GOSR1: variants seen among roughly 807,000 people sequenced by gnomAD.
GOSR1 encodes 28 kDa Golgi SNARE protein.
In GOSR1, 21 loss-of-function variants were observed where a neutral mutation model predicts 35.5. The observed-to-expected ratio is 0.59, with a 90% CI of 0.42 to 0.85. GOSR1 has a LOEUF of 0.85. GOSR1 is among the 40% of genes least tolerant of loss of function. The pLI, the probability that GOSR1 is intolerant of heterozygous loss-of-function variation, is 0.00. For synonymous variants in GOSR1, 94 were observed against 106.6 expected, an observed-to-expected ratio of 0.88 and a Z score of 0.73; for missense variants, 285 against 309.6, an observed-to-expected ratio of 0.92 and a Z score of 0.60.
chr17:30,504,517 G>A (rs976513216), intron 6 of GOSR1, among the ~76,000 whole-genome samples: 1 of 152,156 alleles, frequency 6.6e-6, no homozygotes, highest in African/African-American at 2.4e-5. Flanking sequence ...CAAAAAGTGG[G>A]AAATAAGTGG....
At chr17:30,487,844 C>G (rs1013122453) in intron 4 of GOSR1, among the ~76,000 whole-genome samples, 1 of 151,948 alleles carries the variant, frequency 6.6e-6, no homozygotes, top group Non-Finnish European at 1.5e-5. Flanking sequence ...GGTGCGATCT[C>G]GGCTCACTGC....
chr17:30,489,298 G>A (rs890117470), intron 4 of GOSR1, among the ~76,000 whole-genome samples: 4 of 152,184 alleles, frequency 2.6e-5, no homozygotes, highest in South Asian at 2.1e-4. Context: ...CACTAGAATC[G>A]CTTGAACCCA....
intron 6 of GOSR1, among the ~76,000 whole-genome samples, chr17:30,508,174 TGTGA>T (rs1203526637): frequency 6.6e-6 from 1 of 152,256 alleles, no homozygotes; most frequent in African/African-American, 2.4e-5. Flanking sequence ...GTAAGCTCTC[TGTGA>T]GTATTAGCTA....
chr17:30,478,435 C>G (rs1284925763), intron 1 of GOSR1: 1 of 152,154 alleles, frequency 6.6e-6, no homozygotes, highest in Non-Finnish European at 1.5e-5. Context: ...ATCATACTTT[C>G]AAAATGCTTT....
At chr17:30,519,267 G>A (rs953481565) in intron 7 of GOSR1, among the ~76,000 whole-genome samples, 1 of 152,024 alleles carries the variant, frequency 6.6e-6, no homozygotes, top group African/African-American at 2.4e-5. Flanking sequence ...TGCCCAGGAT[G>A]GTCTTGAACT....
intron 2 of GOSR1, 52 bp from the exon 3 acceptor site, chr17:30,484,160 GTT>G: frequency 1.1e-6 from 1 of 885,134 alleles, no homozygotes; most frequent in East Asian, 2.4e-5. Context: ...TTTTAAGTAT[GTT>G]TTAAAGGACT....
intron 6 of GOSR1, among the ~76,000 whole-genome samples, chr17:30,508,718 AACTAATAGCAAAAAATACTTGAC>A (rs948434224): frequency 6.6e-5 from 10 of 152,202 alleles, no homozygotes; most frequent in African/African-American, 1.2e-4. Context: ...GTTATTGAGA[AACTAATAGCAAAAAATACTTGAC>A]ACTTACTGTG....
chr17:30,478,038 C>A, intron 1 of GOSR1: 1 of 499,046 alleles, frequency 2.0e-6, no homozygotes, highest in Non-Finnish European at 2.6e-6. Context: ...GAGAAAATAA[C>A]TTACCCTTCT....
intron 6 of GOSR1, among the ~76,000 whole-genome samples, chr17:30,503,352 T>C (rs1352723714): frequency 1.3e-5 from 2 of 152,226 alleles, no homozygotes; most frequent in African/African-American, 4.8e-5. Flanking sequence ...TGATGAAATG[T>C]AGCTTATTGT....
intron 8 of GOSR1, among the ~76,000 whole-genome samples, chr17:30,521,355 G>C (rs1045207704): frequency 2.0e-5 from 3 of 151,098 alleles, no homozygotes; most frequent in Non-Finnish European, 4.4e-5. Flanking sequence ...GCTAATTTTT[G>C]TATGTTTTGT....
At position 30,503,895 on chromosome 17, in the gene GOSR1, C is replaced by T. The variant is rs1363564035; in HGVS notation, c.510-6985C>T. Reference sequence around the variant, plus strand: ...CATGTATATTTTGAAATATGCTTTACAGGATATTTTAGGACTTAATAAAAG... The same window carrying T: ...CATGTATATTTTGAAATATGCTTTATAGGATATTTTAGGACTTAATAAAAG... On this transcript the variant is annotated intron_variant, in intron 6 of 8. Transcript: ENST00000451249. 3.3e-5 allele frequency among the ~76,000 whole-genome samples: 5 copies of T among 152,008 alleles called. No homozygotes were observed. The East Asian group carries it at 9.6e-4, about 29-fold the overall frequency.
intron 1 of GOSR1, 29 bp downstream of exon 1, chr17:30,477,493 C>T: frequency 6.2e-7 from 1 of 1,603,848 alleles, no homozygotes; most frequent in Non-Finnish European, 8.5e-7. Context: ...CCGGGTGCGT[C>T]CTACGAGGGT....
chr17:30,480,364 A>G (rs1914255437), intron 1 of GOSR1, among the ~76,000 whole-genome samples: 2 of 152,220 alleles, frequency 1.3e-5, no homozygotes, highest in African/African-American at 4.8e-5. Flanking sequence ...AAAGAAGTTC[A>G]TAAGCCTAAT....
intron 8 of GOSR1, among the ~76,000 whole-genome samples, chr17:30,521,671 C>T (rs369326699): frequency 6.6e-6 from 1 of 151,840 alleles, no homozygotes; most frequent in African/African-American, 2.4e-5. Flanking sequence ...CCTTCTGCTG[C>T]GAAGTAACTT....
At chr17:30,514,717 T>G (rs539180436) in intron 7 of GOSR1, among the ~76,000 whole-genome samples, 13 of 152,332 alleles carry the variant, frequency 8.5e-5, no homozygotes, top group Admixed American at 4.6e-4. Flanking sequence ...TGTTGTTTCA[T>G]GCAAAAAAAT....
At chr17:30,499,415 C>A (rs1045689593) in intron 6 of GOSR1, among the ~76,000 whole-genome samples, 4 of 149,028 alleles carry the variant, frequency 2.7e-5, no homozygotes, top group Admixed American at 6.7e-5. Flanking sequence ...AATCTTGGCT[C>A]ACTGCAACCT....
rs216463 is a variant in GOSR1 at position 30,526,512 on chromosome 17, A to C, written c.*4134A>C. ...AAAATTAAAAGATACCTGAGAGCTC[A>C]CTTTAATATCAAGGTATTTGCATCC... On this transcript the variant is annotated 3_prime_UTR_variant, in exon 9 of 9. Coordinates refer to ENST00000451249, the MANE Select transcript of GOSR1 (RefSeq NM_001007025.2). 66,374 of 152,300 alleles carry C rather than the reference A, an allele frequency of 0.44. 15,246 individuals are homozygous for C. Among genetic ancestry groups the C allele is most frequent in the East Asian group, 0.83 (4,287 of 5,152 alleles). 9.4% of individuals were successfully genotyped at this position (152,300 alleles called of 1,614,324 possible). A position where few individuals can be genotyped will look rare whatever the true frequency, so the allele number is the denominator to read the frequency against.
intron 7 of GOSR1, among the ~76,000 whole-genome samples, chr17:30,515,929 C>G (rs533871400): frequency 6.6e-6 from 1 of 152,278 alleles, no homozygotes; most frequent in South Asian, 2.1e-4. Flanking sequence ...CCTGGAAGAA[C>G]TGTAATATTC....
intron 5 of GOSR1, among the ~76,000 whole-genome samples, chr17:30,491,728 A>G (rs955528569): frequency 1.8e-4 from 28 of 152,138 alleles, no homozygotes; most frequent in African/African-American, 6.8e-4. Context: ...AGAGGAAAGT[A>G]TATGTAGTAG....
Sources: allele counts gnomAD v4.1 joint callset (sites outside exome capture counted in the v4.1 genomes callset), GRCh38; gene constraint gnomAD v4.1.1; transcripts MANE v1.5; gene names NCBI Gene and HGNC (gene_info 2026-07-23, HGNC 2026-07-21).